RHBDF1: variants seen among roughly 807,000 people sequenced by gnomAD.
RHBDF1 encodes inactive rhomboid protein 1.
Under a neutral mutation model 98.6 loss-of-function variants are expected in RHBDF1, and 80 were observed. The ratio of observed to expected loss-of-function variants is 0.81; its 90% CI spans 0.68 to 0.98. RHBDF1 has a LOEUF of 0.98. RHBDF1 is among the 50% of genes least tolerant of loss of function. The pLI is 0.00. For missense variants in RHBDF1, 1,116 were observed against 1,198.3 expected (o/e 0.93, Z 1.01); for synonymous variants, 512 against 486.8 (o/e 1.05, Z -0.68).
upstream of RHBDF1, chr16:73,875 C>A (rs1459912898): frequency 4.2e-6 from 4 of 944,688 alleles, no homozygotes; most frequent in Non-Finnish European, 5.0e-6. Context: ...CTTGGCTAGA[C>A]AGAAAAGGGG....
chr16:75,213 C>CCGGGCCTG (rs1898064248), upstream of RHBDF1, among the ~76,000 whole-genome samples: 1 of 152,166 alleles, frequency 6.6e-6, no homozygotes, highest in South Asian at 2.1e-4. Flanking sequence ...CCCAGCACTC[C>CCGGGCCTG]CGGGGCTGGT....
intron 1 of RHBDF1, among the ~76,000 whole-genome samples, chr16:66,124 C>T (rs1322011916): frequency 1.3e-5 from 2 of 152,210 alleles, no homozygotes; most frequent in Non-Finnish European, 1.5e-5. Flanking sequence ...TTGAGAAGGG[C>T]CCCTGAGCAT....
intron 7 of RHBDF1, 149 bp from the exon 8 acceptor site, chr16:62,201 A>G: frequency 8.7e-7 from 1 of 1,144,930 alleles, no homozygotes; most frequent in Non-Finnish European, 1.2e-6. Context: ...GTAAAAAAGC[A>G]ACACTGCGGG....
At position 59,317 on chromosome 16, in the gene RHBDF1, C is replaced by CAGG. The variant is rs1257859593; in HGVS notation, c.1923_1925dup (p.Leu642dup). 1.2e-6 allele frequency: 2 copies of CAGG among 1,611,186 alleles called. No homozygotes were observed. The highest frequency in any genetic ancestry group is 2.2e-5 in the South Asian group (2 of 90,632). ...CAGGCACCTCGGGGTTGAGAAAAGG[C>CAGG]AGGAGCCCACACACATCATCCATGC... On this transcript the variant is annotated inframe_insertion, in exon 16 of 18. Transcript: ENST00000262316.
chr16:67,994 C>T (rs1897872998), intron 1 of RHBDF1, among the ~76,000 whole-genome samples: 2 of 151,862 alleles, frequency 1.3e-5, no homozygotes, highest in African/African-American at 4.8e-5. Context: ...CAGCCGGCCC[C>T]AGGAACCTCC....
At position 64,006 on chromosome 16, in the gene RHBDF1, C is replaced by A. The variant is rs1348689307; in HGVS notation, c.249-206G>T. Reference sequence around the variant, plus strand: ...AGCCAACTCCAAGTTTCCACTAGACCGCAGCTGGCCTTGCCCGGTTGAGTG... The same window carrying A: ...AGCCAACTCCAAGTTTCCACTAGACAGCAGCTGGCCTTGCCCGGTTGAGTG... On this transcript the variant is annotated intron_variant, in intron 3 of 17. Transcript: ENST00000262316. 15 of 721,620 alleles carry A rather than the reference C, an allele frequency of 2.1e-5. No homozygotes were observed. In the Middle Eastern group the frequency reaches 9.3e-4, roughly 45 times the overall value. 44.7% of individuals were successfully genotyped at this position (721,620 alleles called of 1,614,324 possible). A position where few individuals can be genotyped will look rare whatever the true frequency, so the allele number is the denominator to read the frequency against.
chr16:72,416 T>C (rs1897997894), intron 1 of RHBDF1, 97 bp downstream of exon 1: 2 of 602,546 alleles, frequency 3.3e-6, no homozygotes, highest in Non-Finnish European at 4.1e-6. Context: ...TCTGAGCAGC[T>C]CCGGCCCCGG....
At position 64,756 on chromosome 16, in the gene RHBDF1, T is replaced by C. The variant is rs748621565; in HGVS notation, c.191A>G (p.His64Arg). Reference sequence around the variant, plus strand: ...TTGCAGCACCGGCCGCCGGAGCTCATGGTGGGGTGAAGAGATGTGGGCTGT... The same window carrying C: ...TTGCAGCACCGGCCGCCGGAGCTCACGGTGGGGTGAAGAGATGTGGGCTGT... ...AETAHISSPH[H>R]ELRRPVLQRQ... The change falls in exon 3 of 18, where the codon CAT (histidine) becomes CGT (arginine). Residue 64 changes from histidine (H) to arginine (R), a missense_variant. Transcript: ENST00000262316. The C allele has an allele frequency of 1.2e-6, 2 of 1,613,890 alleles. No homozygotes were observed. Among genetic ancestry groups the C allele is most frequent in the Admixed American group, 1.7e-5 (1 of 59,998 alleles).
Position 59,301 on chromosome 16 carries a change from C to G in RHBDF1, c.1942G>C (p.Glu648Gln), listed in dbSNP as rs746043361. The G allele has an allele frequency of 6.2e-7, 1 of 1,611,644 alleles. No homozygotes were observed. The highest frequency in any genetic ancestry group is 8.5e-7 in the Non-Finnish European group (1 of 1,178,772). The change falls in exon 16 of 18, where the codon GAG (glutamate) becomes CAG (glutamine). Residue 648 changes from glutamate to glutamine, a missense_variant. By Grantham distance (29) the Glu-to-Gln change is conservative (BLOSUM62 2). Transcript: ENST00000262316. ...VCGLLPFLNP[E>Q]VPDQFYRLWL... ...AGGCGGTAGAACTGGTCAGGCACCT[C>G]GGGGTTGAGAAAAGGCAGGAGCCCA...
At chr16:66,720 G>A (rs1452900836) in intron 1 of RHBDF1, among the ~76,000 whole-genome samples, 1 of 152,226 alleles carries the variant, frequency 6.6e-6, no homozygotes, top group African/African-American at 2.4e-5. Context: ...CAGGCATGGT[G>A]CCCAGGGATC....
chr16:69,879 C>T (rs902955791), intron 1 of RHBDF1, among the ~76,000 whole-genome samples: 2 of 152,104 alleles, frequency 1.3e-5, no homozygotes, highest in Admixed American at 1.3e-4. Flanking sequence ...TCACCCTAGA[C>T]AAGGAGACAG....
chr16:72,760 G>GGTC, upstream of RHBDF1: 1 of 858,674 alleles, frequency 1.2e-6, no homozygotes, highest in South Asian at 7.1e-5. Flanking sequence ...AGGCCGCCGG[G>GGTC]CTCCCTTCTC....
At chr16:63,299 G>A in intron 4 of RHBDF1, 117 bp from the exon 5 acceptor site, 1 of 898,022 alleles carries the variant, frequency 1.1e-6, no homozygotes, top group Non-Finnish European at 1.7e-6. Context: ...ACGGGCCCCT[G>A]GACAGCTCTA....
chr16:70,491 A>C (rs1897943022), intron 1 of RHBDF1, among the ~76,000 whole-genome samples: 1 of 152,220 alleles, frequency 6.6e-6, no homozygotes, highest in Admixed American at 6.5e-5. Context: ...CACCAGAAGC[A>C]GGATAGGACT....
Position 60,358 on chromosome 16 carries a change from G to A in RHBDF1, c.1659-79C>T, listed in dbSNP as rs147603159. On this transcript the variant is annotated intron_variant, in intron 12 of 17. Transcript: ENST00000262316. ...CCTTCCAGCCAAGTCGCCAACAAGA[G>A]GAGCCCCTACACCCTCTGCACCACA... The A allele has an allele frequency of 4.8e-4, 768 of 1,603,056 alleles. 2 individuals are homozygous for A. In the African/African-American group the frequency reaches 9.1e-3, roughly 19 times the overall value.
At chr16:69,380 C>G (rs1312936451) in intron 1 of RHBDF1, among the ~76,000 whole-genome samples, 1 of 152,156 alleles carries the variant, frequency 6.6e-6, no homozygotes, top group Admixed American at 6.5e-5. Flanking sequence ...AGCCTGGGCT[C>G]TGCTCCGCCC....
chr16:59,028 C>G lies in RHBDF1; in HGVS notation c.2094G>C (p.Leu698=), dbSNP rs1340369850. 1.2e-6 allele frequency: 2 copies of G among 1,613,302 alleles called. No homozygotes were observed. The highest frequency in any genetic ancestry group is 2.2e-5 in the South Asian group (2 of 91,094). Residue 698 remains leucine (L), a synonymous_variant, in exon 17 of 18, where the codon CTG becomes CTC. Transcript: ENST00000262316. ...GWHRIAIIYL[L]SGVTGNLASA... The stretch of plus-strand genomic sequence containing the variant: ...TGGCCAGGTTGCCGGTGACACCACT[C>G]AGCAGGTAGATGATGGCTATGCGGT...
chr16:68,271 C>A (rs1368513018), intron 1 of RHBDF1, among the ~76,000 whole-genome samples: 1 of 152,348 alleles, frequency 6.6e-6, no homozygotes, highest in South Asian at 2.1e-4. Flanking sequence ...GTCTGCCCCA[C>A]CCCTGTGTGC....
At position 63,830 on chromosome 16, in the gene RHBDF1, G is replaced by C. The variant is rs62032577; in HGVS notation, c.249-30C>G. 926 of 1,587,320 alleles carry C rather than the reference G, an allele frequency of 5.8e-4. 2 individuals carry two copies. Among genetic ancestry groups the C allele is most frequent in the Non-Finnish European group, 7.5e-4 (870 of 1,159,912 alleles). On this transcript the variant is annotated intron_variant, in intron 3 of 17. Transcript: ENST00000262316. ...CATGGCAGGGACTCAGCAAGGGGCG[G>C]CCAGATCGCCCCTCCCAGGCAGGGG...
Sources: allele counts gnomAD v4.1 joint callset (sites outside exome capture counted in the v4.1 genomes callset), GRCh38; gene constraint gnomAD v4.1.1; transcripts MANE v1.5; gene names NCBI Gene and HGNC (gene_info 2026-07-23, HGNC 2026-07-21).